The following CUX2 variants were observed in gnomAD, a reference collection of about 807,000 sequenced individuals.
CUX2 encodes the protein homeobox protein cut-like 2.
In CUX2, 40 loss-of-function variants were observed where a neutral mutation model predicts 144.8. The ratio of observed to expected loss-of-function variants is 0.28; its 90% CI spans 0.21 to 0.36. CUX2 has a LOEUF of 0.36. CUX2 is among the 10% of genes least tolerant of loss of function. The pLI, the probability that CUX2 is intolerant of heterozygous loss-of-function variation, is 1.00. For missense variants in CUX2, 1,615 were observed against 1,994.0 expected, an observed-to-expected ratio of 0.81 and a Z score of 3.62; for synonymous variants, 827 against 875.6, an observed-to-expected ratio of 0.94 and a Z score of 0.98.
rs12305284 is a variant in CUX2, at chr12:111,221,477, C to T, written c.222+3540C>T. 5.8e-3 allele frequency among the ~76,000 whole-genome samples: 887 copies of T among 152,216 alleles called. 11 individuals carry two copies. The highest frequency in any genetic ancestry group is 0.02 in the African/African-American group (850 of 41,522). On this transcript the variant is annotated intron_variant, in intron 3 of 21. Transcript: ENST00000261726. ...TCCACCAGGCTCTGGGCTGGCACTG[C>T]GATTCCCAAGTGGGTATTAATCACC...
rs545549157 is a variant in CUX2 at position 111,288,655 on chromosome 12, C to T, written c.302-2763C>T. ...CAGCCTGACCAACATGGTGAAACCC[C>T]AACTCTATTAAAAATACAGAAATTT... is the stretch of plus-strand genomic sequence containing the variant. On this transcript the variant is annotated intron_variant, in intron 4 of 21. Transcript: ENST00000261726. Among the ~76,000 whole-genome samples, 3 of 152,102 alleles carry T rather than the reference C, an allele frequency of 2.0e-5. No homozygotes were observed. The East Asian group carries it at 5.8e-4, about 30-fold the overall frequency.
intron 1 of CUX2, among the ~76,000 whole-genome samples, chr12:111,209,844 G>T (rs1054376871): frequency 6.6e-6 from 1 of 152,204 alleles, no homozygotes; most frequent in African/African-American, 2.4e-5. Context: ...AGCCTCAGCT[G>T]CATCTATCAT....
At position 111,306,112 on chromosome 12, in the gene CUX2, A is replaced by G. The variant is rs771553029; in HGVS notation, c.859-809A>G. Among the ~76,000 whole-genome samples the G allele has an allele frequency of 9.0e-4, 137 of 152,218 alleles. 1 individual carries two copies. Among genetic ancestry groups the G allele is most frequent in the Non-Finnish European group, 1.7e-3 (118 of 68,020 alleles). ...GGATGCCTCGTAGAGGAATTTGCCA[A>G]TGGTTCTTAATTAACCCCCGTGGAA... On this transcript the variant is annotated intron_variant, in intron 10 of 21. Coordinates refer to ENST00000261726, the MANE Select transcript of CUX2 (RefSeq NM_015267.4).
At chr12:111,051,417 T>C (rs182359503) in intron 1 of CUX2, among the ~76,000 whole-genome samples, 184 of 152,342 alleles carry the variant, frequency 1.2e-3, no homozygotes, top group African/African-American at 4.3e-3. Flanking sequence ...ATTAGGTGCA[T>C]ATATACATTT....
intron 3 of CUX2, among the ~76,000 whole-genome samples, chr12:111,238,393 C>T (rs1391830391): frequency 6.6e-6 from 1 of 152,166 alleles, no homozygotes; most frequent in African/African-American, 2.4e-5. Flanking sequence ...TTGCTGTAGC[C>T]GTTTCTATGT....
At chr12:111,154,007 C>T (rs974235293) in intron 1 of CUX2, among the ~76,000 whole-genome samples, 1 of 152,132 alleles carries the variant, frequency 6.6e-6, no homozygotes, top group African/African-American at 2.4e-5. Context: ...AAGACACCAA[C>T]GATACTGGAT....
intron 1 of CUX2, among the ~76,000 whole-genome samples, chr12:111,110,509 T>A (rs543101237): frequency 6.6e-6 from 1 of 152,346 alleles, no homozygotes; most frequent in Admixed American, 6.5e-5. Context: ...CAGGCTGCAT[T>A]CTACATTTGA....
In CUX2 at chr12:111,348,130, A is replaced by T; in HGVS notation, c.4266A>T (p.Pro1422=). 1 of 1,613,480 alleles carries T rather than the reference A, an allele frequency of 6.2e-7. No individual in the cohort carries two copies. The highest frequency in any genetic ancestry group is 8.5e-7 in the Non-Finnish European group (1 of 1,179,854). ...PVPSSSAPIS[P]SPPGAPPAKV... is the part of the protein sequence containing the mutation. The stretch of plus-strand genomic sequence containing the variant: ...CCTCCTCCTCAGCTCCCATCTCCCC[A>T]TCCCCACCTGGCGCCCCCCCTGCCA... Residue 1422 remains proline, a synonymous_variant, in exon 22 of 22, where the codon CCA becomes CCT. Coordinates refer to ENST00000261726, the MANE Select transcript of CUX2 (RefSeq NM_015267.4).
At chr12:111,103,642 G>T (rs1274168380) in intron 1 of CUX2, among the ~76,000 whole-genome samples, 3 of 152,198 alleles carry the variant, frequency 2.0e-5, no homozygotes, top group African/African-American at 7.2e-5. Context: ...CACTTGGGGA[G>T]GATCTGGGGC....
intron 4 of CUX2, among the ~76,000 whole-genome samples, chr12:111,264,726 G>A (rs1884294752): frequency 1.3e-5 from 2 of 152,200 alleles, no homozygotes. Flanking sequence ...CTGGATGACA[G>A]AGCAAGACTG....
chr12:111,322,261 T>C lies in CUX2; in HGVS notation c.2767-160T>C, dbSNP rs1887572814. On this transcript the variant is annotated intron_variant, in intron 17 of 21. Coordinates refer to ENST00000261726, the MANE Select transcript of CUX2 (RefSeq NM_015267.4). This position sits in a 1 kb window ranked among gnomAD's most constrained non-coding sequence, Gnocchi z 4.2. ...TGAACCTGGGAGGCGGAGTTTGCAGTGAGCTGAGATGGTGCCACTGCACTC... is the reference window on the plus strand; with the variant it reads ...TGAACCTGGGAGGCGGAGTTTGCAGCGAGCTGAGATGGTGCCACTGCACTC... Among the ~76,000 whole-genome samples the C allele has an allele frequency of 7.0e-6, 1 of 142,884 alleles. No individual in the cohort carries two copies. Among genetic ancestry groups the C allele is most frequent in the African/African-American group, 2.7e-5 (1 of 37,726 alleles). 93.7% of individuals were successfully genotyped at this position (142,884 alleles called of 152,430 possible).
At chr12:111,044,213 G>A (rs1055956206) in intron 1 of CUX2, among the ~76,000 whole-genome samples, 5 of 152,142 alleles carry the variant, frequency 3.3e-5, no homozygotes, top group Non-Finnish European at 7.3e-5. Context: ...AAATGGGATT[G>A]GGACATCTGC....
chr12:111,089,820 C>T (rs934183419), intron 1 of CUX2, among the ~76,000 whole-genome samples: 1 of 152,224 alleles, frequency 6.6e-6, no homozygotes. Context: ...AGGCAAAAAG[C>T]AGAACCTAGT....
intron 1 of CUX2, among the ~76,000 whole-genome samples, chr12:111,040,784 A>G (rs914416028): frequency 1.3e-5 from 2 of 152,142 alleles, no homozygotes; most frequent in Admixed American, 6.5e-5. Flanking sequence ...TTCGTGGACC[A>G]TAAGCCTCCA....
At chr12:111,092,456 A>T (rs1872606102) in intron 1 of CUX2, among the ~76,000 whole-genome samples, 1 of 152,192 alleles carries the variant, frequency 6.6e-6, no homozygotes, top group Admixed American at 6.5e-5. Flanking sequence ...GCATAATAAT[A>T]GTACCTTCCC....
At chr12:111,254,830 A>T (rs906383090) in intron 3 of CUX2, among the ~76,000 whole-genome samples, 1 of 152,040 alleles carries the variant, frequency 6.6e-6, no homozygotes, top group African/African-American at 2.4e-5. Flanking sequence ...AAATGCGTTA[A>T]TTCTGTTCCA....
At chr12:111,156,397 T>C (rs986749841) in intron 1 of CUX2, among the ~76,000 whole-genome samples, 8 of 152,188 alleles carry the variant, frequency 5.3e-5, no homozygotes, top group Admixed American at 3.9e-4. Flanking sequence ...ATTTTCTCTG[T>C]CTCCCAGTGG....
chr12:111,090,568 G>A (rs113410751), intron 1 of CUX2, among the ~76,000 whole-genome samples: 4 of 151,974 alleles, frequency 2.6e-5, no homozygotes, highest in African/African-American at 4.8e-5. Flanking sequence ...CCCGGCCTGC[G>A]ATCCCTTTAC....
intron 14 of CUX2, among the ~76,000 whole-genome samples, chr12:111,309,635 C>T (rs1421243049): frequency 7.1e-6 from 1 of 141,810 alleles, no homozygotes; most frequent in African/African-American, 2.6e-5. Context: ...CTATTTCTGA[C>T]TTTCTGTCTC....
Sources: gnomAD v4.1 joint callset for allele counts (sites outside exome capture counted in the v4.1 genomes callset) on GRCh38, gnomAD v4.1.1 for gene constraint, Gnocchi (gnomAD v3.1) non-coding constraint, MANE v1.5 for transcripts, NCBI Gene and HGNC (gene_info 2026-07-23, HGNC 2026-07-21) for gene names.